The following SPATA6 variants were observed in gnomAD, a reference collection of about 807,000 sequenced individuals.
SPATA6 encodes the protein spermatogenesis associated 6, also known as spermatogenesis-associated protein 6.
Under a neutral mutation model 65.3 loss-of-function variants are expected in SPATA6, and 56 were observed. That is an observed-to-expected ratio of 0.86 (90% CI 0.69 to 1.07). The LOEUF is 1.07. Among genes scored for constraint, SPATA6 ranks in the 50% least tolerant of loss-of-function variants. The pLI, the probability that SPATA6 is intolerant of heterozygous loss-of-function variation, is 0.00. For synonymous variants in SPATA6, 199 were observed against 213.2 expected (o/e 0.93, Z 0.58); for missense variants, 590 against 594.8 (o/e 0.99, Z 0.08).
At chr1:48,431,585 CTCT>C (rs1654408276) in intron 3 of SPATA6, among the ~76,000 whole-genome samples, 1 of 152,088 alleles carries the variant, frequency 6.6e-6, no homozygotes, top group Non-Finnish European at 1.5e-5. Context: ...AAAGTATATT[CTCT>C]AACCACAATG....
intron 8 of SPATA6, among the ~76,000 whole-genome samples, chr1:48,390,754 A>G (rs1383252007): frequency 1.3e-5 from 2 of 152,174 alleles, no homozygotes; most frequent in Non-Finnish European, 2.9e-5. Flanking sequence ...TCACTCACAC[A>G]TATCACTCAA....
At chr1:48,282,946 A>G in the SPATA6 span, among the ~76,000 whole-genome samples, 214 of 152,242 alleles carry the variant, frequency 1.4e-3, 1 homozygote, top group African/African-American at 4.9e-3. Flanking sequence ...ATATCCAACA[A>G]TGATAGACTG....
intron 9 of SPATA6, among the ~76,000 whole-genome samples, chr1:48,360,044 G>A (rs767534667): frequency 7.2e-5 from 11 of 152,170 alleles, no homozygotes; most frequent in African/African-American, 2.2e-4. Context: ...GGTGGGGTTC[G>A]CATAGGGATG....
At chr1:48,304,430 T>C (rs1645011432) in intron 12 of SPATA6, among the ~76,000 whole-genome samples, 1 of 152,224 alleles carries the variant, frequency 6.6e-6, no homozygotes, top group Non-Finnish European at 1.5e-5. Flanking sequence ...CGGCAAACTT[T>C]AAATTGACAG....
At chr1:48,436,178 T>G (rs1157709720) in intron 3 of SPATA6, 1 of 1,611,080 alleles carries the variant, frequency 6.2e-7, no homozygotes, top group Non-Finnish European at 8.5e-7. Context: ...TTTGACAACT[T>G]GACTTCTGTC....
At chr1:48,356,850 GATAA>G (rs1646676000) in intron 10 of SPATA6, among the ~76,000 whole-genome samples, 2 of 151,902 alleles carry the variant, frequency 1.3e-5, no homozygotes, top group African/African-American at 2.4e-5. Flanking sequence ...TACTAAACAG[GATAA>G]ATGTTTTATA....
intron 11 of SPATA6, among the ~76,000 whole-genome samples, chr1:48,309,579 T>C (rs1378041179): frequency 6.6e-6 from 1 of 152,242 alleles, no homozygotes; most frequent in Non-Finnish European, 1.5e-5. Context: ...TTTGGTTCTT[T>C]GAATAACTAT....
At chr1:48,392,246 T>G (rs757116920) in intron 8 of SPATA6, among the ~76,000 whole-genome samples, 4 of 152,074 alleles carry the variant, frequency 2.6e-5, no homozygotes, top group Non-Finnish European at 5.9e-5. Context: ...TAAAAGAATC[T>G]TCAAATGAAG....
intron 1 of SPATA6, among the ~76,000 whole-genome samples, chr1:48,471,022 CG>C (rs1303922066): frequency 2.0e-5 from 3 of 152,066 alleles, no homozygotes; most frequent in Non-Finnish European, 4.4e-5. Flanking sequence ...AACAGACAAG[CG>C]GGAGTATTCC....
intron 3 of SPATA6, 127 bp from the exon 4 acceptor site, chr1:48,413,278 G>GTATA: frequency 3.7e-6 from 1 of 273,456 alleles, no homozygotes; most frequent in East Asian, 9.2e-5. Flanking sequence ...TTATATATTA[G>GTATA]TATATAATGT....
rs1644842168 is a variant in SPATA6, at chr1:48,297,849, A to T, written c.*864T>A. The T allele has an allele frequency of 6.6e-6, 1 of 151,918 alleles. No homozygotes were observed. The highest frequency in any genetic ancestry group is 6.6e-5 in the Admixed American group (1 of 15,246). The allele number at this position is 151,918 out of a possible 1,614,324, so 9.4% of individuals were successfully genotyped here. Reference sequence around the variant, plus strand: ...GTGGTTCCAAGTGTTTTTTTTTTTAAAGTGAGGATACTATAATAGTGCCTT... The same window carrying T: ...GTGGTTCCAAGTGTTTTTTTTTTTATAGTGAGGATACTATAATAGTGCCTT... On this transcript the variant is annotated 3_prime_UTR_variant, in exon 13 of 13. Coordinates refer to ENST00000371847, the MANE Select transcript of SPATA6 (RefSeq NM_019073.4).
chr1:48,328,950 G>A (rs1645841147), intron 11 of SPATA6, among the ~76,000 whole-genome samples: 1 of 152,080 alleles, frequency 6.6e-6, no homozygotes, highest in Non-Finnish European at 1.5e-5. Flanking sequence ...TGAAATACCT[G>A]TACTTACACA....
intron 11 of SPATA6, among the ~76,000 whole-genome samples, chr1:48,311,334 C>T (rs773953138): frequency 1.5e-4 from 23 of 152,064 alleles, no homozygotes; most frequent in Admixed American, 4.6e-4. Flanking sequence ...TAATTACTAA[C>T]ATCAGGAATG....
intron 9 of SPATA6, among the ~76,000 whole-genome samples, chr1:48,379,417 A>T (rs1040636098): frequency 2.9e-4 from 44 of 152,138 alleles, no homozygotes; most frequent in African/African-American, 9.7e-4. Context: ...GAATCTAAAA[A>T]AGTCAAACTC....
At chr1:48,372,637 G>T (rs1024618127) in intron 9 of SPATA6, among the ~76,000 whole-genome samples, 2 of 152,266 alleles carry the variant, frequency 1.3e-5, no homozygotes, top group African/African-American at 4.8e-5. Flanking sequence ...ACTCTGTGTG[G>T]GGGCTCCTCT....
chr1:48,358,800 G>T (rs1646728216), intron 10 of SPATA6, among the ~76,000 whole-genome samples: 1 of 151,960 alleles, frequency 6.6e-6, no homozygotes, highest in Non-Finnish European at 1.5e-5. Context: ...TCAGGATTAG[G>T]GTCTACAACA....
intron 11 of SPATA6, among the ~76,000 whole-genome samples, chr1:48,331,191 C>G (rs1295745120): frequency 6.6e-6 from 1 of 152,082 alleles, no homozygotes; most frequent in African/African-American, 2.4e-5. Context: ...TCCAAACAAC[C>G]ACACTAACTC....
rs78637734 is a variant in SPATA6 at position 48,435,581 on chromosome 1, G to C, written c.238+15971C>G. Among the ~76,000 whole-genome samples the C allele has an allele frequency of 2.2e-3, 330 of 151,660 alleles. 3 individuals carry two copies. The highest frequency in any genetic ancestry group is 3.5e-3 in the Non-Finnish European group (240 of 67,942). On this transcript the variant is annotated intron_variant, in intron 3 of 12. Coordinates refer to ENST00000371847, the MANE Select transcript of SPATA6 (RefSeq NM_019073.4). ...GTAAAAACACACCGCTCAGTGCTCT[G>C]CATCTAGCTGAAGGATTGTGAATGC...
In SPATA6 at chr1:48,297,641, T is replaced by A. The variant is rs1414337991; in HGVS notation, c.*1072A>T. On this transcript the variant is annotated 3_prime_UTR_variant, in exon 13 of 13. Transcript: ENST00000371847. ...AAGCCCAGTTCACTTATTCCTACAC[T>A]CTCCTTTCCCTCCCCTCACTCTCTA... is the stretch of plus-strand genomic sequence containing the variant. The A allele has an allele frequency of 6.6e-6, 1 of 152,048 alleles. No individual in the cohort carries two copies. The highest frequency in any genetic ancestry group is 2.4e-5 in the African/African-American group (1 of 41,398). 9.4% of individuals were successfully genotyped at this position (152,048 alleles called of 1,614,324 possible).
Sources: allele counts gnomAD v4.1 joint callset (sites outside exome capture counted in the v4.1 genomes callset), GRCh38; gene constraint gnomAD v4.1.1; transcripts MANE v1.5; gene names NCBI Gene and HGNC (gene_info 2026-07-23, HGNC 2026-07-21).